The following LHFPL2 variants were observed in gnomAD, a reference collection of about 807,000 sequenced individuals.
LHFPL2 encodes the protein LHFPL tetraspan subfamily member 2 protein.
In LHFPL2, 7 loss-of-function variants were observed where a neutral mutation model predicts 17.5. That is an observed-to-expected ratio of 0.40 (90% CI 0.23 to 0.75). The LOEUF is 0.75. LHFPL2 is among the 30% of genes least tolerant of loss of function. LHFPL2 has a pLI of 0.37. For missense variants in LHFPL2, 241 were observed against 294.8 expected, an observed-to-expected ratio of 0.82 and a Z score of 1.34; for synonymous variants, 134 against 116.2, an observed-to-expected ratio of 1.15 and a Z score of -0.99.
intron 3 of LHFPL2, among the ~76,000 whole-genome samples, chr5:78,524,128 G>A (rs1269105505): frequency 6.6e-6 from 1 of 152,130 alleles, no homozygotes; most frequent in African/African-American, 2.4e-5. Context: ...AAGGCTACAA[G>A]ACTCGCTCCA....
At chr5:78,489,291 T>C in intron 4 of LHFPL2, 138 bp from the exon 5 acceptor site, 1 of 877,158 alleles carries the variant, frequency 1.1e-6, no homozygotes, top group Non-Finnish European at 1.7e-6. Flanking sequence ...GACTGTTTCA[T>C]GCAAACTAAT....
rs570875735 is a variant in LHFPL2, at chr5:78,579,810, G to A, written c.-244-14939C>T. Among the ~76,000 whole-genome samples the A allele has an allele frequency of 4.8e-3, 728 of 152,232 alleles. 7 individuals are homozygous for A. Among genetic ancestry groups the A allele is most frequent in the African/African-American group, 0.017 (692 of 41,506 alleles). On this transcript the variant is annotated intron_variant, in intron 2 of 4. Transcript: ENST00000380345. ...ATAATGCCGCAATAAACATACGTGTGCATGTGTCTTTATAGCAGCATGATT... is the reference window on the plus strand; with the variant it reads ...ATAATGCCGCAATAAACATACGTGTACATGTGTCTTTATAGCAGCATGATT...
In LHFPL2 at chr5:78,486,408, A is replaced by G. The variant is rs1444243271; in HGVS notation, c.*2489T>C. On this transcript the variant is annotated 3_prime_UTR_variant, in exon 5 of 5. Transcript: ENST00000380345. ...CCTATTTATTAGAAAAATAAGTGTGAGCCAACAATCTATTTTTAACATTTC... is the reference window on the plus strand; with the variant it reads ...CCTATTTATTAGAAAAATAAGTGTGGGCCAACAATCTATTTTTAACATTTC... 2 of 152,220 alleles carry G rather than the reference A, an allele frequency of 1.3e-5. No individual in the cohort carries two copies. The highest frequency in any genetic ancestry group is 6.5e-5 in the Admixed American group (1 of 15,276). The allele number at this position is 152,220 out of a possible 1,614,324, so 9.4% of individuals were successfully genotyped here. A position where few individuals can be genotyped will look rare whatever the true frequency, so the allele number is the denominator to read the frequency against.
intron 3 of LHFPL2, among the ~76,000 whole-genome samples, chr5:78,535,746 A>G (rs577401910): frequency 6.6e-6 from 1 of 152,296 alleles, no homozygotes; most frequent in East Asian, 1.9e-4. Flanking sequence ...GCATGGCTGT[A>G]GCTTCCTTAC....
intron 3 of LHFPL2, among the ~76,000 whole-genome samples, chr5:78,521,497 C>T (rs1755457150): frequency 6.6e-6 from 1 of 152,198 alleles, no homozygotes; most frequent in South Asian, 2.1e-4. Context: ...TTTTATTTGG[C>T]ATTATCAACA....
At chr5:78,532,547 C>T (rs914093987) in intron 3 of LHFPL2, among the ~76,000 whole-genome samples, 2 of 152,152 alleles carry the variant, frequency 1.3e-5, no homozygotes, top group African/African-American at 4.8e-5. Flanking sequence ...CCACCTGCTT[C>T]GGGATCTCTT....
intron 2 of LHFPL2, among the ~76,000 whole-genome samples, chr5:78,613,360 G>A (rs1207541535): frequency 6.6e-6 from 1 of 152,098 alleles, no homozygotes; most frequent in Non-Finnish European, 1.5e-5. Flanking sequence ...CAAGGAGATC[G>A]TCCCAGCCTT....
At chr5:78,522,797 T>C (rs754354390) in intron 3 of LHFPL2, among the ~76,000 whole-genome samples, 10 of 152,112 alleles carry the variant, frequency 6.6e-5, no homozygotes, top group Admixed American at 6.5e-4. Context: ...AACTAGGTCA[T>C]TGAGAACTCA....
intron 3 of LHFPL2, among the ~76,000 whole-genome samples, chr5:78,531,541 C>T (rs1755784991): frequency 6.6e-6 from 1 of 151,962 alleles, no homozygotes; most frequent in Admixed American, 6.5e-5. Context: ...TGAAATAAAA[C>T]ATTCTTTACC....
chr5:78,630,208 G>T (rs906698968), intron 2 of LHFPL2, among the ~76,000 whole-genome samples: 10 of 152,162 alleles, frequency 6.6e-5, no homozygotes, highest in African/African-American at 2.4e-4. Context: ...GGGGGTCTGA[G>T]GATCAGATAT....
At chr5:78,506,962 G>GC (rs1213964975) in intron 4 of LHFPL2, among the ~76,000 whole-genome samples, 7 of 152,120 alleles carry the variant, frequency 4.6e-5, no homozygotes, top group African/African-American at 1.7e-4. Flanking sequence ...ATCAGCACCA[G>GC]CCCTCAGCAG....
intron 2 of LHFPL2, among the ~76,000 whole-genome samples, chr5:78,578,648 C>T (rs935025844): frequency 1.3e-5 from 2 of 151,704 alleles, no homozygotes; most frequent in African/African-American, 4.8e-5. Context: ...ATTTCAAGGG[C>T]TTCTTATCTC....
At chr5:78,534,902 C>T (rs369380733) in intron 3 of LHFPL2, among the ~76,000 whole-genome samples, 93 of 152,336 alleles carry the variant, frequency 6.1e-4, no homozygotes, top group Admixed American at 1.2e-3. Context: ...CAAAGTCACA[C>T]GGCCGCCTCA....
rs760324045 is a variant in LHFPL2, at chr5:78,488,892, C to A, written c.*5G>T. 17 of 1,613,544 alleles carry A rather than the reference C, an allele frequency of 1.1e-5. No homozygotes were observed. Among genetic ancestry groups the A allele is most frequent in the Non-Finnish European group, 1.3e-5 (15 of 1,179,720 alleles). On this transcript the variant is annotated 3_prime_UTR_variant, in exon 5 of 5. Transcript: ENST00000380345. ...AAGGGAGAAAATGGCATTGTCTCTTCCAAACTAAAGGAGGCAGATCAGATT... is the reference window on the plus strand; with the variant it reads ...AAGGGAGAAAATGGCATTGTCTCTTACAAACTAAAGGAGGCAGATCAGATT...
At chr5:78,582,994 G>A (rs1439233565) in intron 2 of LHFPL2, among the ~76,000 whole-genome samples, 1 of 152,124 alleles carries the variant, frequency 6.6e-6, no homozygotes, top group Non-Finnish European at 1.5e-5. Flanking sequence ...TATATATTTA[G>A]GACAGTTAGC....
At chr5:78,622,189 AG>A (rs1019318228) in intron 2 of LHFPL2, among the ~76,000 whole-genome samples, 1 of 152,182 alleles carries the variant, frequency 6.6e-6, no homozygotes, top group Non-Finnish European at 1.5e-5. Context: ...CAAAAGCGAC[AG>A]GGTGGCACCA....
intron 3 of LHFPL2, among the ~76,000 whole-genome samples, chr5:78,517,394 G>A (rs981922111): frequency 1.2e-4 from 18 of 152,222 alleles, no homozygotes; most frequent in African/African-American, 4.3e-4. Context: ...TCTACCTCTG[G>A]CCACTCATTT....
intron 3 of LHFPL2, among the ~76,000 whole-genome samples, chr5:78,558,695 A>G (rs1756646717): frequency 1.3e-5 from 2 of 152,172 alleles, no homozygotes; most frequent in Admixed American, 1.3e-4. Context: ...GATTGGATAG[A>G]GGACCAGAAT....
chr5:78,560,946 T>G (rs992157470), intron 3 of LHFPL2, among the ~76,000 whole-genome samples: 2 of 152,228 alleles, frequency 1.3e-5, no homozygotes, highest in Non-Finnish European at 2.9e-5. Context: ...TTAAAATTTT[T>G]AGTAGCAACA....
Sources: allele counts gnomAD v4.1 joint callset (sites outside exome capture counted in the v4.1 genomes callset), GRCh38; gene constraint gnomAD v4.1.1; transcripts MANE v1.5; gene names NCBI Gene and HGNC (gene_info 2026-07-23, HGNC 2026-07-21).